Variants in THADA observed in about 807,000 individuals in gnomAD.
THADA encodes tRNA (32-2'-O)-methyltransferase regulator THADA.
A neutral mutation model predicts 219.8 loss-of-function variants in THADA; 213 were observed. That is an observed-to-expected ratio of 0.97 (90% CI 0.87 to 1.09). The LOEUF (loss-of-function observed/expected upper bound fraction) is 1.09. Ranked by LOEUF, THADA falls within the 50% of genes least tolerant of loss-of-function variation. The probability of loss-of-function intolerance (pLI) is 0.00; values close to 1 mark genes in which losing one functional copy is unlikely to be tolerated. For synonymous variants in THADA, 1,018 were observed against 828.9 expected (o/e 1.23, Z -3.92); for missense variants, 2,956 against 2,311.3 (o/e 1.28, Z -5.72).
At chr2:43,363,259 G>A (rs553296978) in intron 29 of THADA, among the ~76,000 whole-genome samples, 2 of 152,146 alleles carry the variant, frequency 1.3e-5, no homozygotes, top group Admixed American at 6.5e-5. Context: ...GACTGGCAGC[G>A]GAACAGGTTT....
intron 25 of THADA, among the ~76,000 whole-genome samples, chr2:43,496,771 C>T (rs1468747609): frequency 1.3e-5 from 2 of 151,936 alleles, no homozygotes; most frequent in African/African-American, 4.8e-5. Flanking sequence ...TTTGTTCATT[C>T]CTCAAAAAGT....
intron 29 of THADA, among the ~76,000 whole-genome samples, chr2:43,345,914 C>T (rs142690463): frequency 6.6e-6 from 1 of 152,314 alleles, no homozygotes; most frequent in Non-Finnish European, 1.5e-5. Flanking sequence ...TATTTGCTCA[C>T]CTTACTTGGC....
At chr2:43,507,776 G>C (rs1412165981) in intron 23 of THADA, among the ~76,000 whole-genome samples, 1 of 152,040 alleles carries the variant, frequency 6.6e-6, no homozygotes, top group Non-Finnish European at 1.5e-5. Context: ...TTCAGGATGG[G>C]GTCTGATTTA....
intron 28 of THADA, among the ~76,000 whole-genome samples, chr2:43,422,041 A>G (rs1677781873): frequency 6.6e-6 from 1 of 152,244 alleles, no homozygotes; most frequent in Admixed American, 6.5e-5. Context: ...TGCCAAACAG[A>G]TACCTTGATG....
intron 21 of THADA, among the ~76,000 whole-genome samples, chr2:43,540,654 A>G (rs1368814729): frequency 2.6e-5 from 4 of 152,190 alleles, no homozygotes; most frequent in Non-Finnish European, 5.9e-5. Flanking sequence ...TCTTGTAAAC[A>G]CCGCACTCAA....
At chr2:43,407,680 C>T (rs540798867) in intron 28 of THADA, among the ~76,000 whole-genome samples, 18 of 151,888 alleles carry the variant, frequency 1.2e-4, no homozygotes, top group Non-Finnish European at 1.5e-4. Flanking sequence ...CTGATATCCA[C>T]GCTAAAAAGA....
Position 43,413,657 on chromosome 2 carries a change from A to G in THADA, c.4058+14443T>C, listed in dbSNP as rs1284156869. ...CATTTGTAGAAAGAGAGTGGCTATC[A>G]TGGTTCAGAGTCAATCATTTTCAAG... On this transcript the variant is annotated intron_variant, in intron 28 of 37. Transcript: ENST00000405975. Among the ~76,000 whole-genome samples, 4 of 152,174 alleles carry G rather than the reference A, an allele frequency of 2.6e-5. 1 individual carries two copies. The South Asian group carries it at 8.3e-4, about 32-fold the overall frequency.
At chr2:43,510,423 C>T (rs920050157) in intron 22 of THADA, among the ~76,000 whole-genome samples, 1 of 151,806 alleles carries the variant, frequency 6.6e-6, no homozygotes, top group Non-Finnish European at 1.5e-5. Context: ...AAATAATTGC[C>T]CCACACTTTT....
intron 36 of THADA, among the ~76,000 whole-genome samples, chr2:43,253,243 G>A (rs902738507): frequency 6.6e-6 from 1 of 152,190 alleles, no homozygotes; most frequent in Admixed American, 6.5e-5. Context: ...AAAGGGAATC[G>A]TGGCTGGATA....
At chr2:43,546,002 T>C (rs1253713656) in intron 20 of THADA, among the ~76,000 whole-genome samples, 1 of 151,470 alleles carries the variant, frequency 6.6e-6, no homozygotes, top group African/African-American at 2.4e-5. Flanking sequence ...CTTTCTCTTG[T>C]GGGCATTTAG....
intron 29 of THADA, among the ~76,000 whole-genome samples, chr2:43,397,066 A>G (rs1674147917): frequency 6.6e-6 from 1 of 152,188 alleles, no homozygotes; most frequent in African/African-American, 2.4e-5. Context: ...TATTTCAAAA[A>G]TGAAGACATG....
At chr2:43,247,539 G>T (rs543465553) in intron 36 of THADA, among the ~76,000 whole-genome samples, 1 of 151,920 alleles carries the variant, frequency 6.6e-6, no homozygotes, top group Admixed American at 6.6e-5. Flanking sequence ...GTCAGGAGTT[G>T]CCAACATGGT....
intron 30 of THADA, among the ~76,000 whole-genome samples, chr2:43,322,147 C>A (rs1194515711): frequency 6.6e-6 from 1 of 151,838 alleles, no homozygotes; most frequent in East Asian, 1.9e-4. Flanking sequence ...GATTATCCTG[C>A]CTCAGCCTCC....
rs529592009 is a variant in THADA, at chr2:43,450,865, G to A, written c.3837-20563C>T. On this transcript the variant is annotated intron_variant, in intron 26 of 37. Transcript: ENST00000405975. ...CAGTCACAAAAGACAAACACTGTATGATTTCCTTTCTATGAGGTAGCTAGA... is the reference window on the plus strand; with the variant it reads ...CAGTCACAAAAGACAAACACTGTATAATTTCCTTTCTATGAGGTAGCTAGA... Among the ~76,000 whole-genome samples the A allele has an allele frequency of 2.7e-3, 417 of 152,316 alleles. 1 individual carries two copies. The highest frequency in any genetic ancestry group is 9.5e-3 in the African/African-American group (397 of 41,582).
intron 20 of THADA, among the ~76,000 whole-genome samples, chr2:43,545,193 T>C (rs1251201673): frequency 6.6e-6 from 1 of 151,812 alleles, no homozygotes; most frequent in Admixed American, 6.6e-5. Context: ...TTTGCATATA[T>C]TGAACCAGCC....
intron 26 of THADA, among the ~76,000 whole-genome samples, chr2:43,446,648 G>C (rs979718019): frequency 6.6e-6 from 1 of 152,226 alleles, no homozygotes. Flanking sequence ...AGAATTGTGA[G>C]AAATGATAAA....
intron 26 of THADA, among the ~76,000 whole-genome samples, chr2:43,448,206 G>A (rs1681830216): frequency 6.6e-6 from 1 of 152,224 alleles, no homozygotes; most frequent in South Asian, 2.1e-4. Context: ...AATGGGTCTA[G>A]TGTAACTATT....
intron 30 of THADA, among the ~76,000 whole-genome samples, chr2:43,342,220 A>C (rs751796253): frequency 2.7e-4 from 41 of 152,206 alleles, no homozygotes; most frequent in Non-Finnish European, 5.3e-4. Flanking sequence ...TGTCTAAAAA[A>C]AGGGAGAATA....
chr2:43,591,061 C>T (rs1235986195), intron 3 of THADA, 107 bp from the exon 4 acceptor site: 3 of 1,056,026 alleles, frequency 2.8e-6, no homozygotes, highest in Non-Finnish European at 2.7e-6. Context: ...TGGCTCACCC[C>T]TGTAATCCCA....
Sources: gnomAD v4.1 joint callset for allele counts (sites outside exome capture counted in the v4.1 genomes callset) on GRCh38, gnomAD v4.1.1 for gene constraint, MANE v1.5 for transcripts, NCBI Gene and HGNC (gene_info 2026-07-23, HGNC 2026-07-21) for gene names.